PROS1: variants seen among roughly 807,000 people sequenced by gnomAD.
PROS1 encodes the protein vitamin K-dependent protein S.
Under a neutral mutation model 75.9 loss-of-function variants are expected in PROS1, and 29 were observed. That is an observed-to-expected ratio of 0.38 (90% CI 0.28 to 0.52). PROS1 has a LOEUF of 0.52. PROS1 is among the 20% of genes least tolerant of loss of function. PROS1 has a pLI of 0.83. For synonymous variants in PROS1, 245 were observed against 280.6 expected (o/e 0.87, Z 1.27); for missense variants, 680 against 810.3 (o/e 0.84, Z 1.95).
chr3:93,912,529 T>C (rs761042274), intron 3 of PROS1, among the ~76,000 whole-genome samples: 4 of 152,168 alleles, frequency 2.6e-5, no homozygotes, highest in Non-Finnish European at 4.4e-5. Flanking sequence ...TTTTCCCAAA[T>C]AAGTCTTACC....
Position 93,893,067 on chromosome 3 carries a change from C to A in PROS1, c.1021G>T (p.Ala341Ser), listed in dbSNP as rs189883848. ...TYDSEGVILY[A>S]ESIDHSAWLL... The stretch of plus-strand genomic sequence containing the variant: ...CACGCTGAGTGATCGATAGATTCTG[C>A]GTACAGTATCACGCCTTCTGAATCA... Residue 341 changes from alanine to serine, a missense_variant, in exon 10 of 15, where the codon GCA (alanine) becomes TCA (serine). Physicochemically the swap from Ala to Ser is moderately conservative, Grantham distance 99 (BLOSUM62 1). Transcript: ENST00000394236. The A allele has an allele frequency of 1.2e-6, 2 of 1,613,894 alleles. No homozygotes were observed. Among genetic ancestry groups the A allele is most frequent in the South Asian group, 1.1e-5 (1 of 91,078 alleles).
chr3:93,954,397 A>T (rs1464595128), intron 1 of PROS1, among the ~76,000 whole-genome samples: 1 of 152,192 alleles, frequency 6.6e-6, no homozygotes, highest in Non-Finnish European at 1.5e-5. Context: ...AATGGAACAG[A>T]ACAGAACCCT....
intron 1 of PROS1, among the ~76,000 whole-genome samples, chr3:93,938,114 C>T (rs1449858804): frequency 2.0e-5 from 3 of 152,166 alleles, no homozygotes; most frequent in Non-Finnish European, 1.5e-5. Context: ...ACATATAGAT[C>T]CAGATGGCCT....
intron 9 of PROS1, among the ~76,000 whole-genome samples, chr3:93,895,995 G>T (rs1339183685): frequency 6.6e-6 from 1 of 151,708 alleles, no homozygotes; most frequent in Non-Finnish European, 1.5e-5. Flanking sequence ...AATAAAAATT[G>T]GATCATAAAC....
Position 93,894,311 on chromosome 3 carries a change from A to C in PROS1, c.966-1189T>G, listed in dbSNP as rs1256718901. ...AAAGAAATATTTAAAAAGAGGTAAA[A>C]TGTGGAGTAAAGTATGTTGGATGGA... On this transcript the variant is annotated intron_variant, in intron 9 of 14. Transcript: ENST00000394236. Among the ~76,000 whole-genome samples, 3 of 152,290 alleles carry C rather than the reference A, an allele frequency of 2.0e-5. No individual in the cohort carries two copies. In the East Asian group the frequency reaches 5.8e-4, roughly 29 times the overall value.
At chr3:93,963,691 G>A (rs1215872051) in intron 1 of PROS1, among the ~76,000 whole-genome samples, 1 of 127,336 alleles carries the variant, frequency 7.9e-6, no homozygotes, top group Non-Finnish European at 1.8e-5. Flanking sequence ...CAGAATGGGA[G>A]CGCGAGCTAG....
chr3:93,903,390 G>T, intron 6 of PROS1, among the ~76,000 whole-genome samples: 1 of 152,156 alleles, frequency 6.6e-6, no homozygotes, highest in East Asian at 1.9e-4. Flanking sequence ...TTGGCCAGGT[G>T]TGGTGGCTCA....
At chr3:93,879,903 C>A (rs1708251163) in intron 12 of PROS1, among the ~76,000 whole-genome samples, 1 of 152,146 alleles carries the variant, frequency 6.6e-6, no homozygotes, top group African/African-American at 2.4e-5. Context: ...AATTGTCTAT[C>A]CCACTAACAT....
rs115719594 is a variant in PROS1, at chr3:93,949,343, G to A, written c.77-21936C>T. 7.2e-3 allele frequency among the ~76,000 whole-genome samples: 1,100 copies of A among 152,146 alleles called. 10 individuals carry two copies. The highest frequency in any genetic ancestry group is 0.025 in the African/African-American group (1,023 of 41,496). Reference sequence around the variant, plus strand: ...CTACTTTTATAAAATTGAGTATTTCGTACCCCACTTACCACATTTGGCAGG... The same window carrying A: ...CTACTTTTATAAAATTGAGTATTTCATACCCCACTTACCACATTTGGCAGG... On this transcript the variant is annotated intron_variant, in intron 1 of 14. Transcript: ENST00000394236.
intron 2 of PROS1, among the ~76,000 whole-genome samples, chr3:93,926,214 G>A (rs1208123660): frequency 6.6e-6 from 1 of 152,104 alleles, no homozygotes. Flanking sequence ...ATTATTAAAG[G>A]GGTGGGGGAG....
At chr3:93,881,892 T>A (rs139176294) in intron 12 of PROS1, among the ~76,000 whole-genome samples, 1 of 152,226 alleles carries the variant, frequency 6.6e-6, no homozygotes, top group East Asian at 1.9e-4. Flanking sequence ...ATAAACACAA[T>A]TAAAATGTAA....
intron 10 of PROS1, among the ~76,000 whole-genome samples, chr3:93,889,661 G>A (rs1306209812): frequency 6.6e-6 from 1 of 152,188 alleles, no homozygotes; most frequent in Non-Finnish European, 1.5e-5. Context: ...TGGAGCCACA[G>A]CAGAGGAACA....
intron 9 of PROS1, among the ~76,000 whole-genome samples, chr3:93,895,121 A>T (rs1362205418): frequency 6.6e-6 from 1 of 152,148 alleles, no homozygotes; most frequent in Non-Finnish European, 1.5e-5. Flanking sequence ...TATAATACTC[A>T]ATACAATGCA....
chr3:93,921,755 T>C (rs1022005706), intron 3 of PROS1, among the ~76,000 whole-genome samples: 2 of 152,242 alleles, frequency 1.3e-5, no homozygotes, highest in African/African-American at 2.4e-5. Context: ...CTCTATGTAT[T>C]GGCATTTCCT....
chr3:93,934,539 G>T (rs144082592), intron 1 of PROS1, among the ~76,000 whole-genome samples: 1 of 152,220 alleles, frequency 6.6e-6, no homozygotes, highest in African/African-American at 2.4e-5. Flanking sequence ...AGAACATTCT[G>T]TAATGAACTG....
intron 1 of PROS1, among the ~76,000 whole-genome samples, chr3:93,929,523 C>T (rs1559941995): frequency 1.3e-5 from 2 of 152,032 alleles, no homozygotes; most frequent in African/African-American, 4.8e-5. Flanking sequence ...ATAATAAACC[C>T]GTACTGTGGA....
At chr3:93,878,420 T>C (rs1708222748) in intron 13 of PROS1, among the ~76,000 whole-genome samples, 1 of 152,186 alleles carries the variant, frequency 6.6e-6, no homozygotes, top group African/African-American at 2.4e-5. Flanking sequence ...CAATAGACAT[T>C]ATTCAACCAC....
At chr3:93,926,615 GA>G (rs1709021197) in intron 2 of PROS1, among the ~76,000 whole-genome samples, 1 of 152,198 alleles carries the variant, frequency 6.6e-6, no homozygotes, top group African/African-American at 2.4e-5. Context: ...CTGGGCAACA[GA>G]AAGAGACTTT....
rs553328112 is a variant in PROS1, at chr3:93,926,690, A to T, written c.234+560T>A. ...AAATTTAATGAAGCATTGTAATAAT[A>T]ATCCAAACTAGCATGCATGCGTGCG... On this transcript the variant is annotated intron_variant, in intron 2 of 14. Transcript: ENST00000394236. 5.3e-4 allele frequency among the ~76,000 whole-genome samples: 81 copies of T among 152,354 alleles called. 1 individual carries two copies. The highest frequency in any genetic ancestry group is 1.0e-3 in the Non-Finnish European group (69 of 68,042).
Sources: gnomAD v4.1 joint callset for allele counts (sites outside exome capture counted in the v4.1 genomes callset) on GRCh38, gnomAD v4.1.1 for gene constraint, MANE v1.5 for transcripts, NCBI Gene and HGNC (gene_info 2026-07-23, HGNC 2026-07-21) for gene names.